The following MVP variants were observed in gnomAD, a reference collection of about 807,000 sequenced individuals.
The protein encoded by MVP is lung resistance-related protein.
MVP carries 62 observed loss-of-function variants against 83.5 expected under a neutral mutation model. The ratio of observed to expected loss-of-function variants is 0.74; its 90% confidence interval spans 0.61 to 0.92. The LOEUF is 0.92. Ranked by LOEUF, MVP falls within the 40% of genes least tolerant of loss-of-function variation. MVP has a pLI of 0.00. For missense variants in MVP, 1,000 were observed against 1,203.4 expected, an observed-to-expected ratio of 0.83 and a Z score of 2.50; for synonymous variants, 505 against 504.1, an observed-to-expected ratio of 1.00 and a Z score of -0.02.
chr16:29,835,743 C>T lies in MVP; in HGVS notation c.617C>T (p.Pro206Leu), dbSNP rs752536996. The T allele has an allele frequency of 1.2e-6, 2 of 1,613,840 alleles. No homozygotes were observed. Among genetic ancestry groups the T allele is most frequent in the African/African-American group, 2.7e-5 (2 of 74,846 alleles). The change falls in exon 6 of 15, where the codon CCA (proline) becomes CTA (leucine). Residue 206 changes from proline (P) to leucine (L), a missense_variant. By Grantham distance (98) the Pro-to-Leu change is moderately conservative. Transcript: ENST00000357402. ...GTCACCACAGTAGGGGCGTACCTCCCAGCGGTGTTTGAGGAGGTTCTGGAT... is the reference window on the plus strand; with the variant it reads ...GTCACCACAGTAGGGGCGTACCTCCTAGCGGTGTTTGAGGAGGTTCTGGAT... Reference protein sequence around the residue: ...WLVTTVGAYLPAVFEEVLDLV... With the variant: ...WLVTTVGAYLLAVFEEVLDLV...
intron 2 of MVP, 101 bp downstream of exon 2, chr16:29,830,775 G>A (rs2067435342): frequency 1.3e-6 from 2 of 1,571,164 alleles, no homozygotes; most frequent in East Asian, 2.3e-5. Context: ...AAGCAGGAGT[G>A]GCCCTCGCTT....
In MVP at chr16:29,846,369, C is replaced by T; in HGVS notation, c.2265+85C>T. 7 of 1,446,480 alleles carry T rather than the reference C, an allele frequency of 4.8e-6. No homozygotes were observed. The South Asian group carries it at 8.7e-5, about 18-fold the overall frequency. 89.6% of individuals were successfully genotyped at this position (1,446,480 alleles called of 1,614,324 possible). On this transcript the variant is annotated intron_variant, in intron 13 of 14. Transcript: ENST00000357402. ...CTACAGTCCCTGAGACTGTATAGGACACCAGGTCCCCCAACATAAAGCCCT... is the reference window on the plus strand; with the variant it reads ...CTACAGTCCCTGAGACTGTATAGGATACCAGGTCCCCCAACATAAAGCCCT...
At chr16:29,829,174 G>A (rs2067423664) in intron 1 of MVP, among the ~76,000 whole-genome samples, 1 of 150,600 alleles carries the variant, frequency 6.6e-6, no homozygotes, top group African/African-American at 2.4e-5. Context: ...ACATTTTTGA[G>A]GCCACCACCA....
At chr16:29,830,440 GTC>G in intron 1 of MVP, 73 bp from the exon 2 acceptor site, 9 of 1,331,372 alleles carry the variant, frequency 6.8e-6, no homozygotes, top group Non-Finnish European at 9.5e-6. Flanking sequence ...CCCACCCAGA[GTC>G]TGTCACCAGA....
chr16:29,824,164 C>T (rs552738943), intron 1 of MVP, among the ~76,000 whole-genome samples: 1 of 124,968 alleles, frequency 8.0e-6, no homozygotes, highest in African/African-American at 3.1e-5. Context: ...TGCAGTGAGC[C>T]GAGATGGCTA....
intron 1 of MVP, among the ~76,000 whole-genome samples, chr16:29,823,006 C>A (rs146201104): frequency 1.3e-5 from 2 of 151,952 alleles, no homozygotes; most frequent in Admixed American, 6.6e-5. Context: ...CCACTGCGCC[C>A]GGCCTGAAAC....
Position 29,846,145 on chromosome 16 carries a change from GC to G in MVP, c.2139-11del. ...TGTCTCCCGGGTCTTACCTGACTCT[GC>G]CTTCTCCCCAGCATGGCCGTGGAGA... On this transcript the variant is annotated splice_polypyrimidine_tract_variant and intron_variant, in intron 12 of 14. Coordinates refer to ENST00000357402, the MANE Select transcript of MVP (RefSeq NM_005115.5). The G allele has an allele frequency of 6.2e-7, 1 of 1,607,640 alleles. No individual in the cohort carries two copies. The highest frequency in any genetic ancestry group is 2.2e-5 in the East Asian group (1 of 44,778).
chr16:29,846,425 T>C (rs2067586642), intron 13 of MVP, 141 bp downstream of exon 13: 1 of 1,283,256 alleles, frequency 7.8e-7, no homozygotes, highest in Admixed American at 3.1e-5. Context: ...CAAAGTCCTT[T>C]GCCTTGTAGG....
chr16:29,846,017 G>A (rs778579227), intron 12 of MVP, 38 bp downstream of exon 12: 52 of 1,613,024 alleles, frequency 3.2e-5, no homozygotes, highest in Non-Finnish European at 4.2e-5. Flanking sequence ...GGCAGGGGCC[G>A]AGGGTCTTAG....
intron 11 of MVP, among the ~76,000 whole-genome samples, chr16:29,845,644 C>T (rs1350315235): frequency 1.3e-5 from 2 of 152,174 alleles, no homozygotes; most frequent in Admixed American, 6.6e-5. Context: ...ACTCAAGTGG[C>T]GTGAAAGTAG....
At chr16:29,823,195 G>A (rs1187724260) in intron 1 of MVP, among the ~76,000 whole-genome samples, 6 of 133,034 alleles carry the variant, frequency 4.5e-5, no homozygotes, top group Non-Finnish European at 9.2e-5. Context: ...CTCCATTTAC[G>A]GCTCACTGCA....
chr16:29,838,166 G>A (rs2067503882), intron 7 of MVP, among the ~76,000 whole-genome samples: 2 of 152,142 alleles, frequency 1.3e-5, no homozygotes, highest in African/African-American at 2.4e-5. Flanking sequence ...AGGCATGGTG[G>A]CTTACATGTG....
At chr16:29,840,039 TTATGATGTGGG>T in intron 7 of MVP, 128 bp from the exon 8 acceptor site, 1 of 805,768 alleles carries the variant, frequency 1.2e-6, no homozygotes, top group South Asian at 1.8e-5. Context: ...CCTCACCGTA[TTATGATGTGGG>T]GGTGGGGGCG....
intron 8 of MVP, 37 bp downstream of exon 8, chr16:29,840,496 G>T (rs1395586194): frequency 6.5e-7 from 1 of 1,534,190 alleles, no homozygotes; most frequent in Non-Finnish European, 8.8e-7. Context: ...CTGCCACGTG[G>T]CCTTGGCCTT....
chr16:29,825,474 C>CA (rs1231802083), intron 1 of MVP, among the ~76,000 whole-genome samples: 124 of 152,294 alleles, frequency 8.1e-4, no homozygotes, highest in Non-Finnish European at 1.2e-4. Flanking sequence ...CTGCCTGAGT[C>CA]AAAGGGTTTC....
In MVP at chr16:29,841,848, C is replaced by T; in HGVS notation, c.1436+8C>T. The T allele has an allele frequency of 6.2e-7, 1 of 1,608,984 alleles. No individual in the cohort carries two copies. On this transcript the variant is annotated splice_region_variant and intron_variant, in intron 9 of 14. Transcript: ENST00000357402. The surrounding 1 kb of genome is among the most constrained non-coding windows in gnomAD (Gnocchi z 4.7). ...CCGAGAGAAGCGAGCCCGGTGAGTG[C>T]TGGCAGCGCAGGGTGTAGGGGGTGG...
At chr16:29,824,235 A>AC (rs2067389333) in intron 1 of MVP, among the ~76,000 whole-genome samples, 3 of 148,908 alleles carry the variant, frequency 2.0e-5, no homozygotes, top group Non-Finnish European at 4.4e-5. Flanking sequence ...AAAAAAAAAA[A>AC]AAAAAACAGA....
In MVP at chr16:29,844,595, G is replaced by A; in HGVS notation, c.1737G>A (p.Val579=). Residue 579 remains valine (V), a synonymous_variant, in exon 11 of 15, where the codon GTG becomes GTA. Coordinates refer to ENST00000357402, the MANE Select transcript of MVP (RefSeq NM_005115.5). ...CCTGCAAAGCCATCGCATCCCGGGTGCGGGGGGCCGTGGCCTCTGTCACTT... is the reference window on the plus strand; with the variant it reads ...CCTGCAAAGCCATCGCATCCCGGGTACGGGGGGCCGTGGCCTCTGTCACTT... The part of the protein sequence containing the change: ...GDACKAIASR[V]RGAVASVTFD... 2 of 1,613,512 alleles carry A rather than the reference G, an allele frequency of 1.2e-6. No homozygotes were observed. The highest frequency in any genetic ancestry group is 1.1e-5 in the South Asian group (1 of 90,930).
rs1436315623 is a variant in MVP at position 29,846,255 on chromosome 16, C to G, written c.2236C>G (p.Leu746Val). Residue 746 changes from leucine to valine, a missense_variant, in exon 13 of 15, where the codon CTA becomes GTA. Transcript: ENST00000357402. ...AGAAGGGTCCGTGCTGCAGGCCAAG[C>G]TAAAAGCACAGGCCTTGGCCATTGA... ...EGEGSVLQAKLKAQALAIETE... is the reference protein window; with the variant it reads ...EGEGSVLQAKVKAQALAIETE... 2 of 1,574,060 alleles carry G rather than the reference C, an allele frequency of 1.3e-6. No individual in the cohort carries two copies. Among genetic ancestry groups the G allele is most frequent in the Non-Finnish European group, 1.7e-6 (2 of 1,159,084 alleles).
Sources: allele counts gnomAD v4.1 joint callset (sites outside exome capture counted in the v4.1 genomes callset), GRCh38; gene constraint gnomAD v4.1.1; non-coding constraint Gnocchi (gnomAD v3.1); transcripts MANE v1.5; gene names NCBI Gene and HGNC (gene_info 2026-07-23, HGNC 2026-07-21).